DLG2: variants seen among roughly 807,000 people sequenced by gnomAD.
DLG2 encodes disks large homolog 2.
DLG2 carries 45 observed loss-of-function variants against 132.5 expected under a neutral mutation model. That is an observed-to-expected ratio of 0.34 (90% confidence interval 0.27 to 0.44). The LOEUF (loss-of-function observed/expected upper bound fraction) is 0.44. DLG2 is among the 20% of genes least tolerant of loss of function. The pLI is 1.00. For synonymous variants in DLG2, 424 were observed against 419.6 expected (o/e 1.01, Z -0.13); for missense variants, 1,045 against 1,196.9 (o/e 0.87, Z 1.87).
At position 83,468,692 on chromosome 11, in the gene DLG2, T is replaced by C. The variant is rs2091559654; in HGVS notation, c.2619+509A>G. On this transcript the variant is annotated intron_variant, in intron 25 of 27. Transcript: ENST00000376104. Reference sequence around the variant, plus strand: ...TTCCTATGGTACCCTCTCTTGAACATTCTTCTCTTTTCCATGCCCCTGAAG... The same window carrying C: ...TTCCTATGGTACCCTCTCTTGAACACTCTTCTCTTTTCCATGCCCCTGAAG... Among the ~76,000 whole-genome samples, 4 of 152,106 alleles carry C rather than the reference T, an allele frequency of 2.6e-5. No individual in the cohort carries two copies. The South Asian group carries it at 8.3e-4, about 32-fold the overall frequency.
At chr11:84,389,501 T>C (rs1200637020) in intron 7 of DLG2, among the ~76,000 whole-genome samples, 1 of 152,188 alleles carries the variant, frequency 6.6e-6, no homozygotes, top group Non-Finnish European at 1.5e-5. Flanking sequence ...TTTTGGGCCT[T>C]AACAATAATT....
intron 4 of DLG2, among the ~76,000 whole-genome samples, chr11:85,179,740 C>G (rs753455665): frequency 2.1e-4 from 32 of 151,560 alleles, no homozygotes; most frequent in Non-Finnish European, 4.1e-4. Flanking sequence ...CATTAGGACC[C>G]ACAATAATAC....
At chr11:84,362,808 T>A (rs948150824) in intron 7 of DLG2, among the ~76,000 whole-genome samples, 1 of 152,114 alleles carries the variant, frequency 6.6e-6, no homozygotes, top group African/African-American at 2.4e-5. Flanking sequence ...TGATTTCCAA[T>A]TTCATCCATG....
chr11:85,129,492 CTGG>C (rs2075478680), intron 5 of DLG2, among the ~76,000 whole-genome samples: 2 of 152,174 alleles, frequency 1.3e-5, no homozygotes, highest in Admixed American at 1.3e-4. Context: ...ACCATTCTAA[CTGG>C]CATGAGATGG....
At chr11:84,171,664 A>G (rs1159666624) in intron 8 of DLG2, among the ~76,000 whole-genome samples, 1 of 152,200 alleles carries the variant, frequency 6.6e-6, no homozygotes, top group Non-Finnish European at 1.5e-5. Context: ...TGCTATTGTG[A>G]ATAGAGCTGC....
intron 6 of DLG2, among the ~76,000 whole-genome samples, chr11:84,908,074 C>G (rs556333625): frequency 6.6e-6 from 1 of 152,170 alleles, no homozygotes; most frequent in Admixed American, 6.5e-5. Flanking sequence ...TCAAGGGCCT[C>G]TCCATCCATG....
intron 7 of DLG2, among the ~76,000 whole-genome samples, chr11:84,331,128 A>G (rs2098456459): frequency 6.6e-6 from 1 of 152,208 alleles, no homozygotes; most frequent in Non-Finnish European, 1.5e-5. Context: ...AGCCACAAGC[A>G]AGAGGTTTGA....
At chr11:83,652,530 C>G (rs2070897088) in intron 18 of DLG2, among the ~76,000 whole-genome samples, 1 of 152,130 alleles carries the variant, frequency 6.6e-6, no homozygotes, top group African/African-American at 2.4e-5. Flanking sequence ...ACCACCACAC[C>G]TGGCTAATTT....
chr11:85,542,566 A>G (rs1377705085), intron 3 of DLG2, among the ~76,000 whole-genome samples: 1 of 152,216 alleles, frequency 6.6e-6, no homozygotes, highest in Non-Finnish European at 1.5e-5. Flanking sequence ...TAAAGTTTGC[A>G]TAATATATGA....
intron 6 of DLG2, among the ~76,000 whole-genome samples, chr11:84,633,529 C>T (rs2099635655): frequency 6.6e-6 from 1 of 152,000 alleles, no homozygotes; most frequent in African/African-American, 2.4e-5. Context: ...TTCCCCTATC[C>T]CTGGATGATA....
intron 3 of DLG2, among the ~76,000 whole-genome samples, chr11:85,516,997 C>G (rs536622801): frequency 6.6e-6 from 1 of 151,906 alleles, no homozygotes; most frequent in African/African-American, 2.4e-5. Context: ...AGACCAGTAT[C>G]CCTGATGAAA....
intron 7 of DLG2, among the ~76,000 whole-genome samples, chr11:84,480,179 T>C (rs949928607): frequency 1.3e-5 from 2 of 152,178 alleles, no homozygotes; most frequent in African/African-American, 4.8e-5. Context: ...TCTATTATTT[T>C]AATTTCTTTT....
intron 6 of DLG2, among the ~76,000 whole-genome samples, chr11:84,981,716 C>T (rs914411766): frequency 1.3e-5 from 2 of 152,118 alleles, no homozygotes; most frequent in African/African-American, 4.8e-5. Flanking sequence ...AAGATGCTCT[C>T]ATGACTATTA....
At chr11:85,404,724 A>G (rs1346431311) in intron 3 of DLG2, among the ~76,000 whole-genome samples, 1 of 151,962 alleles carries the variant, frequency 6.6e-6, no homozygotes, top group African/African-American at 2.4e-5. Flanking sequence ...ATGTTATTAA[A>G]ATTTGAATGT....
At chr11:85,181,762 A>C (rs971291724) in intron 4 of DLG2, among the ~76,000 whole-genome samples, 1 of 151,714 alleles carries the variant, frequency 6.6e-6, no homozygotes, top group African/African-American at 2.4e-5. Flanking sequence ...ATTGTTTTCC[A>C]GTAGATAAAA....
At chr11:83,763,173 A>G (rs933853675) in intron 18 of DLG2, among the ~76,000 whole-genome samples, 5 of 152,120 alleles carry the variant, frequency 3.3e-5, no homozygotes, top group Admixed American at 3.3e-4. Context: ...GAAATTAAGA[A>G]TTTTTTTAAC....
intron 18 of DLG2, among the ~76,000 whole-genome samples, chr11:83,720,653 C>T (rs1368498698): frequency 1.3e-5 from 2 of 151,706 alleles, no homozygotes; most frequent in Admixed American, 1.3e-4. Context: ...CTCCAGAATT[C>T]ACAGTCCGTC....
intron 6 of DLG2, among the ~76,000 whole-genome samples, chr11:84,807,447 AAAAAAAC>A (rs1460345811): frequency 2.0e-5 from 3 of 151,804 alleles, no homozygotes; most frequent in Non-Finnish European, 4.4e-5. Flanking sequence ...ACTCCATCTC[AAAAAAAC>A]AAAAAACAAA....
chr11:85,454,521 A>G (rs1597459347), intron 3 of DLG2, among the ~76,000 whole-genome samples: 7 of 152,050 alleles, frequency 4.6e-5, no homozygotes, highest in Admixed American at 3.9e-4. Context: ...GCTGTGCAAA[A>G]GCTGTTTAGT....
Sources: allele counts gnomAD v4.1 joint callset (sites outside exome capture counted in the v4.1 genomes callset), GRCh38; gene constraint gnomAD v4.1.1; transcripts MANE v1.5; gene names NCBI Gene and HGNC (gene_info 2026-07-23, HGNC 2026-07-21).